The following MLPH variants were observed in gnomAD, a reference collection of about 807,000 sequenced individuals.
MLPH encodes the protein exophilin-3.
In MLPH, 51 loss-of-function variants were observed where a neutral mutation model predicts 72.1. The ratio of observed to expected loss-of-function variants is 0.71; its 90% CI spans 0.56 to 0.89. The LOEUF (loss-of-function observed/expected upper bound fraction) is 0.89, where lower values mean the gene tolerates loss of function less well. MLPH is among the 40% of genes least tolerant of loss of function. The pLI, the probability that MLPH is intolerant of heterozygous loss-of-function variation, is 0.00. For missense variants in MLPH, 743 were observed against 759.9 expected, an observed-to-expected ratio of 0.98 and a Z score of 0.26; for synonymous variants, 301 against 310.1, an observed-to-expected ratio of 0.97 and a Z score of 0.31.
chr2:237,545,232 T>TGG (rs1207166308), intron 12 of MLPH, among the ~76,000 whole-genome samples: 3 of 124,240 alleles, frequency 2.4e-5, no homozygotes, highest in African/African-American at 1.0e-4. Flanking sequence ...CAGTGGTGAG[T>TGG]GGGGCACAGT....
At chr2:237,520,185 G>A (rs2080150339) in intron 6 of MLPH, among the ~76,000 whole-genome samples, 156 bp downstream of exon 6, 1 of 152,176 alleles carries the variant, frequency 6.6e-6, no homozygotes, top group Admixed American at 6.5e-5. Flanking sequence ...GACCGATGTG[G>A]GAAGACAGGA....
rs1419313650 is a variant in MLPH at position 237,510,980 on chromosome 2, TC to T, written c.333-6del. ...AGGCAGTGCCATGAGCCTGTGCTTGTCCCTGCAGAGTCGTGAAGATCGGCTC... is the reference window on the plus strand; with the variant it reads ...AGGCAGTGCCATGAGCCTGTGCTTGTCCTGCAGAGTCGTGAAGATCGGCTC... On this transcript the variant is annotated splice_polypyrimidine_tract_variant and splice_region_variant and intron_variant, in intron 3 of 15. Transcript: ENST00000264605. The surrounding 1 kb of genome is among the most constrained non-coding windows in gnomAD (Gnocchi z 4.4). The T allele has an allele frequency of 1.9e-6, 3 of 1,611,524 alleles. No individual in the cohort carries two copies. The African/African-American group carries it at 4.0e-5, about 22-fold the overall frequency.
In MLPH at chr2:237,510,200, G is replaced by A; in HGVS notation, c.111-374G>A. On this transcript the variant is annotated intron_variant, in intron 2 of 15. Transcript: ENST00000264605. The surrounding 1 kb of genome is among the most constrained non-coding windows in gnomAD (Gnocchi z 4.4). ...GCTGAAGGAGACCAAAACAATGCTT[G>A]ATCAGGAAACACCATCTGGCTTTGC... 1 of 342,056 alleles carries A rather than the reference G, an allele frequency of 2.9e-6. No individual in the cohort carries two copies. The highest frequency in any genetic ancestry group is 7.6e-5 in the East Asian group (1 of 13,078). The allele number at this position is 342,056 out of a possible 1,614,324, so 21.2% of individuals were successfully genotyped here.
At position 237,510,790 on chromosome 2, in the gene MLPH, G is replaced by T; in HGVS notation, c.327G>T (p.Leu109=). The stretch of plus-strand genomic sequence containing the variant: ...GCTGGATCTGTGACCCCTGCCATCT[G>T]GCCAGGTGAGCCCAGGCCTTGAGGT... ...EQGWICDPCH[L]ARVVKIGSLE... The change falls in exon 3 of 16, where the codon CTG becomes CTT. Residue 109 remains leucine, a synonymous_variant. Transcript: ENST00000264605. This position sits in a 1 kb window ranked among gnomAD's most constrained non-coding sequence, Gnocchi z 4.4. 1 of 1,613,376 alleles carries T rather than the reference G, an allele frequency of 6.2e-7. No homozygotes were observed. The highest frequency in any genetic ancestry group is 8.5e-7 in the Non-Finnish European group (1 of 1,180,038).
In MLPH at chr2:237,549,360, G is replaced by T. The variant is rs116313446; in HGVS notation, c.1675+82G>T. On this transcript the variant is annotated intron_variant, in intron 14 of 15. Coordinates refer to ENST00000264605, the MANE Select transcript of MLPH (RefSeq NM_024101.7). The stretch of plus-strand genomic sequence containing the variant: ...AAAATGACCAGTCGCAGCTCTGTGT[G>T]TTTCTTCATTATCTGTGGGACATAT... 3,560 of 1,249,642 alleles carry T rather than the reference G, an allele frequency of 2.8e-3. 64 individuals carry two copies. The African/African-American group carries it at 0.043, about 15-fold the overall frequency. 77.4% of individuals were successfully genotyped at this position (1,249,642 alleles called of 1,614,324 possible). A position where few individuals can be genotyped will look rare whatever the true frequency, so the allele number is the denominator to read the frequency against.
At chr2:237,487,008 C>G (rs2079328936), upstream of MLPH, among the ~76,000 whole-genome samples, 1 of 152,186 alleles carries the variant, frequency 6.6e-6, no homozygotes, top group South Asian at 2.1e-4. Context: ...CGCCGCAACT[C>G]ACGGGAATCG....
chr2:237,529,021 A>T (rs1306258150), intron 8 of MLPH, among the ~76,000 whole-genome samples: 1 of 152,188 alleles, frequency 6.6e-6, no homozygotes, highest in East Asian at 1.9e-4. Context: ...TCTGTCAGCT[A>T]TGTGAAACGC....
At chr2:237,506,478 T>A (rs906335497) in intron 2 of MLPH, among the ~76,000 whole-genome samples, 1 of 152,084 alleles carries the variant, frequency 6.6e-6, no homozygotes, top group African/African-American at 2.4e-5. Context: ...GTTCCTCGAG[T>A]GAGCAATTCC....
intron 12 of MLPH, chr2:237,545,309 C>A: frequency 1.8e-6 from 1 of 554,884 alleles, no homozygotes; most frequent in South Asian, 1.9e-5. Flanking sequence ...ACAGCACACA[C>A]GCCACCGTGG....
At chr2:237,526,748 C>T (rs988780917) in intron 7 of MLPH, among the ~76,000 whole-genome samples, 8 of 152,310 alleles carry the variant, frequency 5.3e-5, no homozygotes, top group African/African-American at 1.9e-4. Flanking sequence ...TCTTTTTACA[C>T]ACCAACCTCT....
intron 7 of MLPH, among the ~76,000 whole-genome samples, chr2:237,526,925 CCT>C (rs1425323861): frequency 2.6e-5 from 4 of 152,194 alleles, no homozygotes; most frequent in African/African-American, 9.6e-5. Flanking sequence ...ACCTCAGTTT[CCT>C]CATTGTACAA....
chr2:237,510,093 C>G lies in MLPH; in HGVS notation c.111-481C>G. 1 of 232,352 alleles carries G rather than the reference C, an allele frequency of 4.3e-6. No individual in the cohort carries two copies. The highest frequency in any genetic ancestry group is 8.5e-6 in the Non-Finnish European group (1 of 117,468). The allele number at this position is 232,352 out of a possible 1,614,324, so 14.4% of individuals were successfully genotyped here. ...GTAGACTTCCGGGTGCTAGATGATT[C>G]CTGCTCTGGAAACTCACCGAGCCAT... On this transcript the variant is annotated intron_variant, in intron 2 of 15. Coordinates refer to ENST00000264605, the MANE Select transcript of MLPH (RefSeq NM_024101.7). This position sits in a 1 kb window ranked among gnomAD's most constrained non-coding sequence, Gnocchi z 4.4.
intron 8 of MLPH, 35 bp downstream of exon 8, chr2:237,527,551 T>C: frequency 6.2e-7 from 1 of 1,613,612 alleles, no homozygotes; most frequent in Non-Finnish European, 8.5e-7. Context: ...GTCTTGTCGT[T>C]TCTTTGGGTG....
At chr2:237,511,798 T>G (rs181159168) in intron 4 of MLPH, among the ~76,000 whole-genome samples, 12 of 152,360 alleles carry the variant, frequency 7.9e-5, no homozygotes, top group African/African-American at 2.9e-4. Context: ...GGCAGTAGGC[T>G]TAAACTAAAC....
At chr2:237,516,401 A>G (rs2080018475) in intron 4 of MLPH, among the ~76,000 whole-genome samples, 2 of 152,048 alleles carry the variant, frequency 1.3e-5, no homozygotes, top group African/African-American at 4.8e-5. Flanking sequence ...GAGAAAGGAG[A>G]GGGGGCATGA....
intron 2 of MLPH, chr2:237,507,385 G>A (rs1379740078): frequency 5.9e-5 from 9 of 152,096 alleles, no homozygotes; most frequent in Admixed American, 3.3e-4. Context: ...GTTTCTTAAA[G>A]GTTAGTTGTG....
intron 2 of MLPH, among the ~76,000 whole-genome samples, chr2:237,496,987 T>C (rs957659581): frequency 1.1e-4 from 16 of 152,060 alleles, no homozygotes; most frequent in Admixed American, 3.9e-4. Flanking sequence ...ACCGGTTTCA[T>C]AGAAGACAAT....
At chr2:237,546,257 G>A (rs1022679937) in intron 12 of MLPH, 8 of 363,672 alleles carry the variant, frequency 2.2e-5, no homozygotes, top group Non-Finnish European at 3.7e-5. Context: ...CAGCTATGCA[G>A]GTGAGCCTCA....
chr2:237,486,944 C>A (rs1327739933), upstream of MLPH, among the ~76,000 whole-genome samples: 1 of 152,120 alleles, frequency 6.6e-6, no homozygotes, highest in African/African-American at 2.4e-5. Flanking sequence ...GCTCAGCAAG[C>A]GGGTCCCACC....
Sources: allele counts gnomAD v4.1 joint callset (sites outside exome capture counted in the v4.1 genomes callset), GRCh38; gene constraint gnomAD v4.1.1; non-coding constraint Gnocchi (gnomAD v3.1); transcripts MANE v1.5; gene names NCBI Gene and HGNC (gene_info 2026-07-23, HGNC 2026-07-21).